Variants in DNAJC21 observed in about 807,000 individuals in gnomAD.
DNAJC21 encodes the protein DnaJ heat shock protein family (Hsp40) member C21, also known as dnaJ homolog subfamily C member 21.
DNAJC21 carries 63 observed loss-of-function variants against 72.4 expected under a neutral mutation model. That is an observed-to-expected ratio of 0.87 (90% CI 0.71 to 1.07). The LOEUF is 1.07. Ranked by LOEUF, DNAJC21 falls within the 50% of genes least tolerant of loss-of-function variation. The pLI, the probability that DNAJC21 is intolerant of heterozygous loss-of-function variation, is 0.00. For synonymous variants in DNAJC21, 203 were observed against 216.7 expected, an observed-to-expected ratio of 0.94 and a Z score of 0.56; for missense variants, 634 against 644.8, an observed-to-expected ratio of 0.98 and a Z score of 0.18.
chr5:34,940,066 A>G (rs1764937169), intron 6 of DNAJC21, among the ~76,000 whole-genome samples: 1 of 152,158 alleles, frequency 6.6e-6, no homozygotes, highest in Non-Finnish European at 1.5e-5. Context: ...TTTCACGTAC[A>G]AGCTCTCACT....
intron 1 of DNAJC21, among the ~76,000 whole-genome samples, chr5:34,930,562 C>T (rs1764556846): frequency 6.6e-6 from 1 of 152,048 alleles, no homozygotes; most frequent in South Asian, 2.1e-4. Context: ...TGTATGTTTA[C>T]TTAGAAGTAT....
At chr5:34,938,631 G>A (rs73080671) in intron 5 of DNAJC21, among the ~76,000 whole-genome samples, 5,779 of 152,280 alleles carry the variant, frequency 0.038, 295 homozygotes, top group African/African-American at 0.12. Context: ...TGAGTTTCAT[G>A]TTTCAAAACC....
chr5:34,948,114 A>T (rs1765233515), intron 9 of DNAJC21, among the ~76,000 whole-genome samples: 1 of 152,206 alleles, frequency 6.6e-6, no homozygotes, highest in South Asian at 2.1e-4. Flanking sequence ...GAAGAGGGAA[A>T]TACAAATATA....
chr5:34,958,310 G>GA lies in DNAJC21; in HGVS notation c.*3598dup, dbSNP rs1430604784. On this transcript the variant is annotated 3_prime_UTR_variant, in exon 12 of 12. Coordinates refer to ENST00000648817, the MANE Select transcript of DNAJC21 (RefSeq NM_001012339.3). ...AGGTCAGTCAAGGGATCCCTGACGA[G>GA]AATAAAGAGCCCAGAAACAGGTCCA... The GA allele has an allele frequency of 6.6e-6, 1 of 152,208 alleles. No homozygotes were observed. The highest frequency in any genetic ancestry group is 2.4e-5 in the African/African-American group (1 of 41,436). The allele number at this position is 152,208 out of a possible 1,614,324, so 9.4% of individuals were successfully genotyped here.
intron 7 of DNAJC21, among the ~76,000 whole-genome samples, chr5:34,941,804 C>T (rs1179439785): frequency 4.6e-5 from 7 of 151,584 alleles, no homozygotes; most frequent in Admixed American, 3.9e-4. Flanking sequence ...TGGCCTCAGG[C>T]GATCCACCCA....
At chr5:34,951,428 T>TG in intron 10 of DNAJC21, 1 of 985,426 alleles carries the variant, frequency 1.0e-6, no homozygotes, top group South Asian at 4.7e-5. Flanking sequence ...ATGGAGCCTG[T>TG]GTGTCCTGTG....
intron 4 of DNAJC21, among the ~76,000 whole-genome samples, chr5:34,936,873 C>T (rs1234424937): frequency 6.6e-6 from 1 of 152,160 alleles, no homozygotes; most frequent in Non-Finnish European, 1.5e-5. Flanking sequence ...GCCTCAGCCT[C>T]CCAGGTAGCT....
At chr5:34,932,769 G>C (rs1764645033) in intron 1 of DNAJC21, among the ~76,000 whole-genome samples, 1 of 152,242 alleles carries the variant, frequency 6.6e-6, no homozygotes, top group Non-Finnish European at 1.5e-5. Flanking sequence ...AGCTTCTCCA[G>C]CTTCTCCATA....
chr5:34,943,768 A>G (rs1011468151), intron 7 of DNAJC21, among the ~76,000 whole-genome samples: 1 of 152,174 alleles, frequency 6.6e-6, no homozygotes, highest in Non-Finnish European at 1.5e-5. Flanking sequence ...TTCTGCTGTA[A>G]ACAGGAGCCT....
intron 10 of DNAJC21, chr5:34,950,918 C>T (rs572008393): frequency 1.4e-5 from 14 of 985,560 alleles, no homozygotes; most frequent in Middle Eastern, 5.2e-4. Context: ...CCATCCTCCT[C>T]GGTTCCTCTA....
chr5:34,931,450 C>T (rs977049948), intron 1 of DNAJC21, among the ~76,000 whole-genome samples: 22 of 151,800 alleles, frequency 1.4e-4, no homozygotes, highest in Non-Finnish European at 2.8e-4. Context: ...GAAGGAAGTT[C>T]GGAATTCCTT....
rs756194786 is a variant in DNAJC21 at position 34,944,867 on chromosome 5, C to T, written c.984C>T (p.Ala328=). Residue 328 remains alanine, a splice_region_variant and synonymous_variant, in exon 8 of 12, where the codon GCC becomes GCT. Transcript: ENST00000648817. ...ACDKSFKTEK[A]MKNHEKSKKH... The stretch of plus-strand genomic sequence containing the variant: ...TGCTCACGTCAGATTGCTCTTTCAG[C>T]ATGAAGAATCACGAGAAGTCAAAGA... 2 of 1,614,030 alleles carry T rather than the reference C, an allele frequency of 1.2e-6. No homozygotes were observed. Among genetic ancestry groups the T allele is most frequent in the South Asian group, 2.2e-5 (2 of 91,042 alleles).
intron 7 of DNAJC21, among the ~76,000 whole-genome samples, chr5:34,941,887 G>A (rs962597394): frequency 6.6e-6 from 1 of 151,390 alleles, no homozygotes; most frequent in African/African-American, 2.4e-5. Context: ...TTTTTGAGGT[G>A]AAGTGTAACA....
intron 9 of DNAJC21, chr5:34,949,417 T>C: frequency 6.9e-7 from 1 of 1,444,328 alleles, no homozygotes; most frequent in Admixed American, 2.2e-5. Context: ...TTACACCCCC[T>C]ATCCTGTATA....
intron 10 of DNAJC21, chr5:34,950,621 C>A (rs749133781): frequency 6.1e-5 from 64 of 1,051,736 alleles, no homozygotes; most frequent in Non-Finnish European, 7.2e-5. Flanking sequence ...CCTGCTGTGG[C>A]GCTGATTTTG....
At chr5:34,948,469 T>C (rs1229051170) in intron 9 of DNAJC21, among the ~76,000 whole-genome samples, 4 of 152,232 alleles carry the variant, frequency 2.6e-5, no homozygotes, top group Non-Finnish European at 5.9e-5. Flanking sequence ...TTGCGGGGCC[T>C]GCCAGTTAGG....
At chr5:34,935,562 A>G (rs1461783054) in intron 2 of DNAJC21, 148 bp from the exon 3 acceptor site, 1 of 808,742 alleles carries the variant, frequency 1.2e-6, no homozygotes, top group Admixed American at 2.8e-5. Flanking sequence ...AACTCTTTTC[A>G]TGTTAATATT....
chr5:34,933,977 T>C (rs1465017065), intron 2 of DNAJC21, 69 bp downstream of exon 2: 4 of 1,394,760 alleles, frequency 2.9e-6, no homozygotes, highest in Non-Finnish European at 3.9e-6. Context: ...TAGGTGGTTG[T>C]TTTTTCAAAT....
In DNAJC21 at chr5:34,935,806, T is replaced by A; in HGVS notation, c.288T>A (p.Cys96Ter). 6.2e-7 allele frequency: 1 copy of A among 1,614,044 alleles called. No individual in the cohort carries two copies. The highest frequency in any genetic ancestry group is 2.2e-5 in the East Asian group (1 of 44,844). ...TGCTACGCTATTTCACCGTTACCTGTTATTCTGGTTATGGAGATGATGAAA... is the reference window on the plus strand; with the variant it reads ...TGCTACGCTATTTCACCGTTACCTGATATTCTGGTTATGGAGATGATGAAA... ...LDLLRYFTVT[C>*]YSGYGDDEKG... The change falls in exon 3 of 12, where the codon TGT becomes TGA. Residue 96 changes from cysteine to a stop codon, truncating the protein, a stop_gained. Transcript: ENST00000648817. LOFTEE classifies it high-confidence loss of function.
Sources: allele counts gnomAD v4.1 joint callset (sites outside exome capture counted in the v4.1 genomes callset), GRCh38; gene constraint gnomAD v4.1.1; transcripts MANE v1.5; gene names NCBI Gene and HGNC (gene_info 2026-07-23, HGNC 2026-07-21).